Variants in ANO4 observed in about 807,000 individuals in gnomAD.
ANO4 encodes anoctamin 4.
Under a neutral mutation model 141.9 loss-of-function variants are expected in ANO4, and 69 were observed. The ratio of observed to expected loss-of-function variants is 0.49; its 90% CI spans 0.40 to 0.59. The LOEUF (loss-of-function observed/expected upper bound fraction) is 0.59, where lower values mean the gene tolerates loss of function less well. Ranked by LOEUF, ANO4 falls within the 20% of genes least tolerant of loss-of-function variation. ANO4 has a pLI of 0.00. For synonymous variants in ANO4, 350 were observed against 394.3 expected (o/e 0.89, Z 1.33); for missense variants, 894 against 1,162.2 (o/e 0.77, Z 3.36).
intron 9 of ANO4, among the ~76,000 whole-genome samples, chr12:101,023,487 A>G (rs2046615166): frequency 6.6e-6 from 1 of 152,160 alleles, no homozygotes; most frequent in Non-Finnish European, 1.5e-5. Context: ...CCTGAGCATA[A>G]TGGTGAAACC....
At chr12:100,901,526 A>G (rs577883737) in intron 1 of ANO4, 120 bp from the exon 2 acceptor site, 21 of 528,016 alleles carry the variant, frequency 4.0e-5, no homozygotes, top group East Asian at 3.4e-4. Flanking sequence ...TGAGTGATGC[A>G]TACCTTAAGA....
At chr12:101,103,057 A>G (rs2050252622) in intron 22 of ANO4, among the ~76,000 whole-genome samples, 1 of 150,854 alleles carries the variant, frequency 6.6e-6, no homozygotes, top group African/African-American at 2.4e-5. Flanking sequence ...ATGTTTGCTT[A>G]TGCAAACTTG....
chr12:101,030,985 C>T (rs1220260213), intron 9 of ANO4, among the ~76,000 whole-genome samples: 1 of 152,182 alleles, frequency 6.6e-6, no homozygotes, highest in East Asian at 1.9e-4. Flanking sequence ...GACAGGTTCA[C>T]AGCCGAATTC....
chr12:100,737,615 G>A (rs1195097713), intron 2 of ANO4, among the ~76,000 whole-genome samples: 1 of 152,206 alleles, frequency 6.6e-6, no homozygotes, highest in East Asian at 1.9e-4. Flanking sequence ...CTGTTGGGAG[G>A]GAGGAGGGGA....
chr12:100,922,095 C>A, intron 2 of ANO4, 131 bp from the exon 3 acceptor site: 1 of 465,400 alleles, frequency 2.1e-6, no homozygotes, highest in Non-Finnish European at 3.5e-6. Flanking sequence ...AGTCCTTTGT[C>A]TAAGAAGGAG....
At chr12:101,081,947 T>TA (rs200242605) in intron 15 of ANO4, among the ~76,000 whole-genome samples, 2 of 151,978 alleles carry the variant, frequency 1.3e-5, no homozygotes, top group African/African-American at 4.8e-5. Context: ...ATTACCACTA[T>TA]AAAAAAAACC....
chr12:100,810,673 T>C (rs2035364804), intron 1 of ANO4, among the ~76,000 whole-genome samples: 1 of 151,876 alleles, frequency 6.6e-6, no homozygotes, highest in Non-Finnish European at 1.5e-5. Context: ...TACAGGAAAG[T>C]GTGCATAGGA....
chr12:100,942,022 C>G (rs999640063), intron 4 of ANO4, among the ~76,000 whole-genome samples: 2 of 149,066 alleles, frequency 1.3e-5, no homozygotes, highest in African/African-American at 5.0e-5. Flanking sequence ...ACTCTGTTGC[C>G]CAGGCTGAAG....
chr12:100,730,774 C>G (rs185090218), intron 1 of ANO4, among the ~76,000 whole-genome samples: 3 of 152,214 alleles, frequency 2.0e-5, no homozygotes, highest in Non-Finnish European at 4.4e-5. Context: ...GGAGATGTTT[C>G]TTAGGGAAAG....
intron 2 of ANO4, among the ~76,000 whole-genome samples, chr12:100,921,518 T>G (rs1343608561): frequency 6.6e-6 from 1 of 152,146 alleles, no homozygotes; most frequent in Non-Finnish European, 1.5e-5. Context: ...TTTAAGAAGC[T>G]TTTAGAAGGT....
chr12:101,042,479 C>T lies in ANO4; in HGVS notation c.1154+11C>T. ...TCACAGCCAAGTCAGGTACGGGGAGCTCTTGGATGAGTTTGCCTTTGTTTA... is the reference window on the plus strand; with the variant it reads ...TCACAGCCAAGTCAGGTACGGGGAGTTCTTGGATGAGTTTGCCTTTGTTTA... On this transcript the variant is annotated intron_variant, in intron 12 of 27. Transcript: ENST00000392977. 1 of 1,613,964 alleles carries T rather than the reference C, an allele frequency of 6.2e-7. No homozygotes were observed. Among genetic ancestry groups the T allele is most frequent in the Non-Finnish European group, 8.5e-7 (1 of 1,179,926 alleles).
chr12:100,778,440 A>G (rs1476582283), intron 3 of ANO4, among the ~76,000 whole-genome samples: 3 of 152,216 alleles, frequency 2.0e-5, no homozygotes, highest in Non-Finnish European at 4.4e-5. Flanking sequence ...GTTCCAGAAC[A>G]TTTAGTGTTG....
At chr12:100,881,505 T>G (rs2039569105) in intron 1 of ANO4, among the ~76,000 whole-genome samples, 1 of 151,960 alleles carries the variant, frequency 6.6e-6, no homozygotes, top group Non-Finnish European at 1.5e-5. Flanking sequence ...TAAGCCATAA[T>G]GTAACAGGAT....
At chr12:101,103,210 T>C (rs2050274491) in intron 22 of ANO4, among the ~76,000 whole-genome samples, 1 of 135,742 alleles carries the variant, frequency 7.4e-6, no homozygotes, top group East Asian at 2.0e-4. Flanking sequence ...TATATATATA[T>C]ATATATATAT....
At chr12:101,017,824 G>A (rs1325820896) in intron 8 of ANO4, among the ~76,000 whole-genome samples, 1 of 152,194 alleles carries the variant, frequency 6.6e-6, no homozygotes, top group Non-Finnish European at 1.5e-5. Context: ...CATGTATTGA[G>A]ACTGTTTAGA....
At chr12:100,952,233 C>T (rs1410869482) in intron 5 of ANO4, among the ~76,000 whole-genome samples, 1 of 152,164 alleles carries the variant, frequency 6.6e-6, no homozygotes, top group African/African-American at 2.4e-5. Context: ...GATTTAGATC[C>T]ACTTACTACT....
upstream of ANO4, among the ~76,000 whole-genome samples, chr12:100,791,925 A>G (rs142220930): frequency 1.3e-5 from 2 of 152,366 alleles, no homozygotes; most frequent in East Asian, 3.9e-4. Flanking sequence ...CAGAAGTTAG[A>G]TGGAAGAGAC....
chr12:100,979,672 G>T (rs1466953597), intron 7 of ANO4, among the ~76,000 whole-genome samples: 1 of 152,112 alleles, frequency 6.6e-6, no homozygotes, highest in Non-Finnish European at 1.5e-5. Flanking sequence ...TTCTCCATGT[G>T]TGCAGAGGAG....
At chr12:100,796,036 A>ATTT (rs34968573) in intron 1 of ANO4, among the ~76,000 whole-genome samples, 100 of 141,578 alleles carry the variant, frequency 7.1e-4, no homozygotes, top group African/African-American at 2.2e-3. Flanking sequence ...CTTAACAGGG[A>ATTT]TTTTTTTTTT....
Sources: gnomAD v4.1 joint callset for allele counts (sites outside exome capture counted in the v4.1 genomes callset) on GRCh38, gnomAD v4.1.1 for gene constraint, MANE v1.5 for transcripts, NCBI Gene and HGNC (gene_info 2026-07-23, HGNC 2026-07-21) for gene names.